Variants in ZNF587 observed in about 807,000 individuals in gnomAD.
ZNF587 encodes the protein zinc finger protein 587, also known as zinc finger protein zfp6.
Under a neutral mutation model 7.5 loss-of-function variants are expected in ZNF587, and 8 were observed. The observed-to-expected ratio is 1.06, with a 90% CI of 0.62 to 1.92. The LOEUF is 1.92. Among genes scored for constraint, ZNF587 ranks in the 40% most tolerant of loss-of-function variants. The pLI is 0.00. For missense variants in ZNF587, 468 were observed against 692.8 expected (o/e 0.68, Z 3.64); for synonymous variants, 145 against 237.8 (o/e 0.61, Z 3.59).
chr19:57,852,885 C>A (rs1158276403), intron 1 of ZNF587, among the ~76,000 whole-genome samples: 38 of 107,096 alleles, frequency 3.5e-4, no homozygotes, highest in Non-Finnish European at 8.6e-5. Context: ...CGGAGTTTCA[C>A]TCTCTTGTCC....
At chr19:57,857,411 TCACATTTCTGGACTC>T (rs2071372387) in intron 2 of ZNF587, 2 of 152,136 alleles carry the variant, frequency 1.3e-5, no homozygotes, top group Admixed American at 6.6e-5. Context: ...GCACTAATAC[TCACATTTCTGGACTC>T]CACATCTCAC....
rs777554914 is a variant in ZNF587, at chr19:57,859,241, T to C, written c.829T>C (p.Tyr277His). Reference sequence around the variant, plus strand: ...TGATTGTGGAGAGTGTGGGAAATCTTATAGTCGAAAGAGCAGCCTTATTCA... The same window carrying C: ...TGATTGTGGAGAGTGTGGGAAATCTCATAGTCGAAAGAGCAGCCTTATTCA... ...PYDCGECGKS[Y>H]SRKSSLIQHQ... Residue 277 changes from tyrosine (Y) to histidine (H), a missense_variant, in exon 3 of 3, where the codon TAT becomes CAT. Physicochemically the swap from Tyr to His is moderately conservative, Grantham distance 83. Transcript: ENST00000339656. 9 of 1,604,602 alleles carry C rather than the reference T, an allele frequency of 5.6e-6. No individual in the cohort carries two copies. In the Admixed American group the frequency reaches 1.5e-4, roughly 27 times the overall value.
intron 1 of ZNF587, chr19:57,853,757 G>GTT (rs890554047): frequency 1.0e-4 from 11 of 106,526 alleles, no homozygotes; most frequent in East Asian, 2.3e-4. Flanking sequence ...TAACTTTTTT[G>GTT]TTTTTTTTTT....
chr19:57,857,656 G>C (rs2071378411), intron 2 of ZNF587, among the ~76,000 whole-genome samples: 1 of 151,708 alleles, frequency 6.6e-6, no homozygotes, highest in African/African-American at 2.4e-5. Flanking sequence ...ATTTTTGAGA[G>C]AGAGTTTTGC....
intron 1 of ZNF587, among the ~76,000 whole-genome samples, chr19:57,852,588 G>T (rs552713954): frequency 7.0e-6 from 1 of 142,434 alleles, no homozygotes; most frequent in Non-Finnish European, 1.5e-5. Context: ...GTGCAATGGC[G>T]CAATCTTGGG....
chr19:57,855,807 C>T (rs1358577463), intron 1 of ZNF587, among the ~76,000 whole-genome samples: 3 of 152,106 alleles, frequency 2.0e-5, no homozygotes, highest in East Asian at 3.9e-4. Flanking sequence ...AAGATCTGCC[C>T]GAATCAGTGT....
At position 57,860,072 on chromosome 19, in the gene ZNF587, G is replaced by A; in HGVS notation, c.1660G>A (p.Gly554Arg). Residue 554 changes from glycine to arginine, a missense_variant, in exon 3 of 3, where the codon GGA becomes AGA. By Grantham distance (125) the Gly-to-Arg change is moderately radical (BLOSUM62 -2). Coordinates refer to ENST00000339656, the MANE Select transcript of ZNF587 (RefSeq NM_032828.4). ...GERPYECTKC[G>R]KTFQRSSTLL... ...AAGGCCTTATGAATGCACCAAATGT[G>A]GAAAAACATTTCAGCGAAGCTCTAC... is the stretch of plus-strand genomic sequence containing the variant. 6.2e-7 allele frequency: 1 copy of A among 1,613,466 alleles called. No homozygotes were observed. The highest frequency in any genetic ancestry group is 1.1e-5 in the South Asian group (1 of 91,070).
chr19:57,854,763 G>A (rs1027321341), intron 1 of ZNF587, among the ~76,000 whole-genome samples: 1 of 152,046 alleles, frequency 6.6e-6, no homozygotes, highest in African/African-American at 2.4e-5. Context: ...TGTAGGCGCT[G>A]GGTGTGGTGG....
chr19:57,850,213 G>T, intron 1 of ZNF587, 142 bp downstream of exon 1: 2 of 1,498,738 alleles, frequency 1.3e-6, no homozygotes, highest in Non-Finnish European at 1.8e-6. Context: ...GCCTCTCCTT[G>T]TAACCGTCCA....
intron 1 of ZNF587, chr19:57,850,575 C>T: frequency 2.4e-6 from 1 of 408,188 alleles, no homozygotes; most frequent in East Asian, 3.5e-5. Context: ...CAAAATGCCC[C>T]AAGCACTGAT....
At chr19:57,855,714 A>G (rs1568506747) in intron 1 of ZNF587, among the ~76,000 whole-genome samples, 1 of 151,882 alleles carries the variant, frequency 6.6e-6, no homozygotes, top group Non-Finnish European at 1.5e-5. Flanking sequence ...GGTGCCCACC[A>G]CCATGCCCGG....
intron 1 of ZNF587, chr19:57,850,368 TG>T: frequency 1.7e-6 from 1 of 593,722 alleles, no homozygotes; most frequent in Non-Finnish European, 2.9e-6. Context: ...CTGAGCATTC[TG>T]GGATCAGAGT....
chr19:57,864,971 T>G lies in ZNF587; in HGVS notation c.*4831T>G, dbSNP rs1423704666. On this transcript the variant is annotated 3_prime_UTR_variant, in exon 3 of 3. Coordinates refer to ENST00000339656, the MANE Select transcript of ZNF587 (RefSeq NM_032828.4). ...TTTATTTTCTCCATAAACTACAGTT[T>G]ATATAAGCAAAAGTTTCAGTACTAA... 2 of 152,220 alleles carry G rather than the reference T, an allele frequency of 1.3e-5. No homozygotes were observed. Among genetic ancestry groups the G allele is most frequent in the Non-Finnish European group, 2.9e-5 (2 of 68,048 alleles). The allele number at this position is 152,220 out of a possible 1,614,324, so 9.4% of individuals were successfully genotyped here.
At chr19:57,850,372 A>T (rs2071266548) in intron 1 of ZNF587, 1 of 587,678 alleles carries the variant, frequency 1.7e-6, no homozygotes, top group Non-Finnish European at 3.0e-6. Flanking sequence ...GCATTCTGGG[A>T]TCAGAGTTTT....
rs1394531698 is a variant in ZNF587, at chr19:57,862,853, T to C, written c.*2713T>C. 1 of 155,058 alleles carries C rather than the reference T, an allele frequency of 6.4e-6. No homozygotes were observed. Among genetic ancestry groups the C allele is most frequent in the African/African-American group, 2.4e-5 (1 of 41,502 alleles). The allele number at this position is 155,058 out of a possible 1,614,324, so 9.6% of individuals were successfully genotyped here. On this transcript the variant is annotated 3_prime_UTR_variant, in exon 3 of 3. Transcript: ENST00000339656. ...TCTCACTCTGAATTATTCTTCCTCT[T>C]ATGGCTGACCAAAAACATGGAACCT...
In ZNF587 at chr19:57,861,819, C is replaced by A. The variant is rs116372189; in HGVS notation, c.*1679C>A. On this transcript the variant is annotated 3_prime_UTR_variant, in exon 3 of 3. Coordinates refer to ENST00000339656, the MANE Select transcript of ZNF587 (RefSeq NM_032828.4). ...ATGGAGTCTAGCTCTGTCTCCTAAG[C>A]TACAGTGAAGTGGCATGATCTCGGC... The A allele has an allele frequency of 7.5e-6, 1 of 133,252 alleles. No individual in the cohort carries two copies. Among genetic ancestry groups the A allele is most frequent in the Non-Finnish European group, 1.5e-5 (1 of 65,288 alleles). The allele number at this position is 133,252 out of a possible 1,614,324, so 8.3% of individuals were successfully genotyped here.
At position 57,861,171 on chromosome 19, in the gene ZNF587, A is replaced by G. The variant is rs2071427843; in HGVS notation, c.*1031A>G. ...TGTACAACTTTTTAAGCAATGCCAA[A>G]CTATGACTTAAGAATGAAATTATTG... On this transcript the variant is annotated 3_prime_UTR_variant, in exon 3 of 3. Transcript: ENST00000339656. 1.3e-5 allele frequency: 2 copies of G among 152,190 alleles called. No individual in the cohort carries two copies. Among genetic ancestry groups the G allele is most frequent in the African/African-American group, 4.8e-5 (2 of 41,450 alleles). 9.4% of individuals were successfully genotyped at this position (152,190 alleles called of 1,614,324 possible).
At chr19:57,854,645 G>A (rs1443040447) in intron 1 of ZNF587, among the ~76,000 whole-genome samples, 1 of 151,612 alleles carries the variant, frequency 6.6e-6, no homozygotes, top group African/African-American at 2.4e-5. Flanking sequence ...ATTTTGTGGT[G>A]GGTTTCAATT....
chr19:57,850,307 A>G, intron 1 of ZNF587: 1 of 665,686 alleles, frequency 1.5e-6, no homozygotes, highest in Non-Finnish European at 2.6e-6. Context: ...ATTCACGCAG[A>G]GCCGTCCTGC....
Sources: gnomAD v4.1 joint callset for allele counts (sites outside exome capture counted in the v4.1 genomes callset) on GRCh38, gnomAD v4.1.1 for gene constraint, MANE v1.5 for transcripts, NCBI Gene and HGNC (gene_info 2026-07-23, HGNC 2026-07-21) for gene names.